GJC2: variants seen among roughly 807,000 people sequenced by gnomAD.
The protein encoded by GJC2 is gap junction protein gamma 2.
For missense variants in GJC2, 647 were observed against 648.9 expected, an observed-to-expected ratio of 1.00 and a Z score of 0.03; for synonymous variants, 336 against 307.5, an observed-to-expected ratio of 1.09 and a Z score of -0.97.
rs1428888768 is a variant in GJC2 at position 228,157,857 on chromosome 1, CT to C, written c.101del (p.Phe34SerfsTer5). On this transcript the variant is annotated frameshift_variant, in exon 2 of 2. Transcript: ENST00000366714. LOFTEE classifies it low-confidence loss of function (END_TRUNC). Reference sequence around the variant, plus strand: ...AGGTGTGGCTCACGGTGCTGGTGGTCTTCCGCATCGTGCTGACGGCTGTGGG... The same window carrying C: ...AGGTGTGGCTCACGGTGCTGGTGGTCTCCGCATCGTGCTGACGGCTGTGGG... ...GKVWLTVLVV[F>X]RIVLTAVGGE... 1 of 1,608,704 alleles carries C rather than the reference CT, an allele frequency of 6.2e-7. No individual in the cohort carries two copies. The highest frequency in any genetic ancestry group is 8.5e-7 in the Non-Finnish European group (1 of 1,178,148).
chr1:228,154,036 C>G (rs1193764492), intron 1 of GJC2, among the ~76,000 whole-genome samples: 3 of 152,114 alleles, frequency 2.0e-5, no homozygotes, highest in Non-Finnish European at 4.4e-5. Context: ...TCTTATAGAC[C>G]TCACACCCAG....
chr1:228,154,944 A>C (rs894295599), intron 1 of GJC2, among the ~76,000 whole-genome samples: 1 of 152,202 alleles, frequency 6.6e-6, no homozygotes, highest in Non-Finnish European at 1.5e-5. Flanking sequence ...CCTGGGCCCC[A>C]GGTAGATTCT....
intron 1 of GJC2, among the ~76,000 whole-genome samples, chr1:228,156,551 G>T (rs1558118997): frequency 6.6e-6 from 1 of 152,250 alleles, no homozygotes; most frequent in Admixed American, 6.5e-5. Context: ...ACTTCCCCAG[G>T]AACCCTGACT....
Position 228,158,412 on chromosome 1 carries a change from G to A in GJC2, c.654G>A (p.Val218=), listed in dbSNP as rs1312476615. The A allele has an allele frequency of 1.2e-6, 2 of 1,606,726 alleles. No individual in the cohort carries two copies. The part of the protein sequence containing the change: ...GLMRVYVAQL[V]ARAAFEVAFL... ...TGCGCGTGTACGTGGCCCAGCTGGT[G>A]GCCAGGGCAGCTTTCGAGGTGGCCT... is the stretch of plus-strand genomic sequence containing the variant. Residue 218 remains valine, a synonymous_variant, in exon 2 of 2, where the codon GTG becomes GTA. Coordinates refer to ENST00000366714, the MANE Select transcript of GJC2 (RefSeq NM_020435.4). This position sits in a 1 kb window ranked among gnomAD's most constrained non-coding sequence, Gnocchi z 8.3.
rs1382067667 is a variant in GJC2, at chr1:228,150,002, G to A, written c.-25G>A. On this transcript the variant is annotated 5_prime_UTR_variant, in exon 1 of 2. Coordinates refer to ENST00000366714, the MANE Select transcript of GJC2 (RefSeq NM_020435.4). The surrounding 1 kb of genome is among the most constrained non-coding windows in gnomAD (Gnocchi z 4.6). ...AGGGAGACTGGAATTTTCTGGCCTG[G>A]AGAAGGTAGGGTGCTGGGGTCCATG... is the stretch of plus-strand genomic sequence containing the variant. 1 of 152,732 alleles carries A rather than the reference G, an allele frequency of 6.5e-6. No individual in the cohort carries two copies. The highest frequency in any genetic ancestry group is 1.5e-5 in the Non-Finnish European group (1 of 68,480). 9.5% of individuals were successfully genotyped at this position (152,732 alleles called of 1,614,324 possible).
chr1:228,156,163 C>T (rs567493490), intron 1 of GJC2, among the ~76,000 whole-genome samples: 8 of 152,312 alleles, frequency 5.3e-5, no homozygotes, highest in Middle Eastern at 3.4e-3. Flanking sequence ...TGTGTGTGCA[C>T]GGGTCTGTGT....
Position 228,159,307 on chromosome 1 carries a change from G to T in GJC2, c.*229G>T. The T allele has an allele frequency of 1.7e-6, 1 of 589,646 alleles. No individual in the cohort carries two copies. The highest frequency in any genetic ancestry group is 3.1e-6 in the Non-Finnish European group (1 of 324,844). 36.5% of individuals were successfully genotyped at this position (589,646 alleles called of 1,614,324 possible). ...GGAGAGAGGCCTAGGAGCCAGAAAG[G>T]GCCCTCTGCTGTGGTCTGAACCCCA... On this transcript the variant is annotated 3_prime_UTR_variant, in exon 2 of 2. Coordinates refer to ENST00000366714, the MANE Select transcript of GJC2 (RefSeq NM_020435.4). This position sits in a 1 kb window ranked among gnomAD's most constrained non-coding sequence, Gnocchi z 4.0.
chr1:228,157,738 A>AGGTGGG lies in GJC2; in HGVS notation c.-19_-18insTGGGGG. ...CTGGCTGACCCCTACCCCGCCCCAC[A>AGGTGGG]GGACCCGCCCGCCCGCCCCTATGAC... On this transcript the variant is annotated splice_acceptor_variant, in intron 1 of 1. Coordinates refer to ENST00000366714, the MANE Select transcript of GJC2 (RefSeq NM_020435.4). LOFTEE classifies it low-confidence loss of function (5UTR_SPLICE). 1.5e-6 allele frequency: 1 copy of AGGTGGG among 660,968 alleles called. No homozygotes were observed. Among genetic ancestry groups the AGGTGGG allele is most frequent in the Non-Finnish European group, 2.7e-6 (1 of 363,802 alleles). The allele number at this position is 660,968 out of a possible 1,614,324, so 40.9% of individuals were successfully genotyped here.
In GJC2 at chr1:228,159,157, G is replaced by A. The variant is rs912263815; in HGVS notation, c.*79G>A. On this transcript the variant is annotated 3_prime_UTR_variant, in exon 2 of 2. Coordinates refer to ENST00000366714, the MANE Select transcript of GJC2 (RefSeq NM_020435.4). The surrounding 1 kb of genome is among the most constrained non-coding windows in gnomAD (Gnocchi z 4.0). ...GGAAACCTGCGACCCCTTCTCCTCA[G>A]CCTTCTCCTTAGCCGGTGGCCTCAG... The A allele has an allele frequency of 2.6e-6, 4 of 1,513,246 alleles. No homozygotes were observed. In the African/African-American group the frequency reaches 5.5e-5, roughly 21 times the overall value. 93.7% of individuals were successfully genotyped at this position (1,513,246 alleles called of 1,614,324 possible). A position where few individuals can be genotyped will look rare whatever the true frequency, so the allele number is the denominator to read the frequency against.
At chr1:228,156,222 G>A (rs1302554875) in intron 1 of GJC2, among the ~76,000 whole-genome samples, 1 of 152,220 alleles carries the variant, frequency 6.6e-6, no homozygotes, top group Non-Finnish European at 1.5e-5. Flanking sequence ...GTATGTGCAT[G>A]TGTGTGCATA....
rs946982704 is a variant in GJC2 at position 228,150,652 on chromosome 1, C to T, written c.-20+645C>T. 1.1e-4 allele frequency among the ~76,000 whole-genome samples: 16 copies of T among 152,186 alleles called. No homozygotes were observed. Among genetic ancestry groups the T allele is most frequent in the South Asian group, 2.1e-4 (1 of 4,832 alleles). ...GCAGGCCCTCAGTGCAAGGAAGGGG[C>T]GGCGTGGCTGAGGAGGGGGAGGCCC... is the stretch of plus-strand genomic sequence containing the variant. On this transcript the variant is annotated intron_variant, in intron 1 of 1. Coordinates refer to ENST00000366714, the MANE Select transcript of GJC2 (RefSeq NM_020435.4). The surrounding 1 kb of genome is among the most constrained non-coding windows in gnomAD (Gnocchi z 4.6).
At position 228,151,562 on chromosome 1, in the gene GJC2, AGCAGTGTGCATGTG is replaced by A. The variant is rs2034616042; in HGVS notation, c.-20+1566_-20+1579del. ...GCCCAGCTCCATGTTGAGCTCGAGC[AGCAGTGTGCATGTG>A]GCAGTGTGCACTGCTTGTGTGTGGG... On this transcript the variant is annotated intron_variant, in intron 1 of 1. Transcript: ENST00000366714. The surrounding 1 kb of genome is among the most constrained non-coding windows in gnomAD (Gnocchi z 5.4). 6.6e-6 allele frequency among the ~76,000 whole-genome samples: 1 copy of A among 152,070 alleles called. No individual in the cohort carries two copies. The highest frequency in any genetic ancestry group is 6.5e-5 in the Admixed American group (1 of 15,276).
In GJC2 at chr1:228,151,718, A is replaced by T. The variant is rs144568115; in HGVS notation, c.-20+1711A>T. 6.6e-6 allele frequency among the ~76,000 whole-genome samples: 1 copy of T among 152,176 alleles called. No individual in the cohort carries two copies. The highest frequency in any genetic ancestry group is 2.4e-5 in the African/African-American group (1 of 41,520). ...GGCAGGACAGTGAGGCCGGCCACAG[A>T]GCTGCTGGGGCAGAGTGGGCATGGA... On this transcript the variant is annotated intron_variant, in intron 1 of 1. Transcript: ENST00000366714. This position sits in a 1 kb window ranked among gnomAD's most constrained non-coding sequence, Gnocchi z 5.4.
Position 228,158,886 on chromosome 1 carries a change from C to A in GJC2, c.1128C>A (p.Gly376=), listed in dbSNP as rs1266616845. The change falls in exon 2 of 2, where the codon GGC becomes GGA. Residue 376 remains glycine (G), a synonymous_variant. Transcript: ENST00000366714. The surrounding 1 kb of genome is among the most constrained non-coding windows in gnomAD (Gnocchi z 8.3). ...DRDRDSSPCV[G]LPAASRGPPR... Reference sequence around the variant, plus strand: ...ACCGGGACAGTTCGCCGTGCGTCGGCCTCCCTGCGGCCTCCCGGGGGCCCC... The same window carrying A: ...ACCGGGACAGTTCGCCGTGCGTCGGACTCCCTGCGGCCTCCCGGGGGCCCC... The A allele has an allele frequency of 9.4e-6, 14 of 1,489,104 alleles. 1 individual carries two copies. The highest frequency in any genetic ancestry group is 2.3e-5 in the Admixed American group (1 of 42,784). 92.2% of individuals were successfully genotyped at this position (1,489,104 alleles called of 1,614,324 possible).
In GJC2 at chr1:228,157,902, G is replaced by T; in HGVS notation, c.144G>T (p.Ser48=). ...CTGTGGGCGGCGAGGCCATCTACTC[G>T]GACGAGCAGGCCAAGTTCACTTGCA... ...LTAVGGEAIY[S]DEQAKFTCNT... is the part of the protein sequence containing the mutation. The change falls in exon 2 of 2, where the codon TCG becomes TCT. Residue 48 remains serine, a synonymous_variant. Coordinates refer to ENST00000366714, the MANE Select transcript of GJC2 (RefSeq NM_020435.4). 1 of 1,612,610 alleles carries T rather than the reference G, an allele frequency of 6.2e-7. No homozygotes were observed. The highest frequency in any genetic ancestry group is 8.5e-7 in the Non-Finnish European group (1 of 1,179,830).
In GJC2 at chr1:228,157,740, G is replaced by GGGGGGGGGGGGGGGGGGGGGC; in HGVS notation, c.-19_-18insGGGGGGGGGGGGGGGGGGGGC. 2 of 662,262 alleles carry GGGGGGGGGGGGGGGGGGGGGC rather than the reference G, an allele frequency of 3.0e-6. No homozygotes were observed. The highest frequency in any genetic ancestry group is 2.6e-6 in the Non-Finnish European group (1 of 378,506). 41.0% of individuals were successfully genotyped at this position (662,262 alleles called of 1,614,324 possible). A position where few individuals can be genotyped will look rare whatever the true frequency, so the allele number is the denominator to read the frequency against. On this transcript the variant is annotated splice_region_variant and 5_prime_UTR_variant, in exon 2 of 2. Transcript: ENST00000366714. ...GGCTGACCCCTACCCCGCCCCACAGGACCCGCCCGCCCGCCCCTATGACCA... is the reference window on the plus strand; with the variant it reads ...GGCTGACCCCTACCCCGCCCCACAGGGGGGGGGGGGGGGGGGGGGGCACCCGCCCGCCCGCCCCTATGACCA...
Position 228,158,709 on chromosome 1 carries a change from C to T in GJC2, c.951C>T (p.Pro317=), listed in dbSNP as rs2034724963. The T allele has an allele frequency of 1.6e-6, 2 of 1,256,936 alleles. No homozygotes were observed. The highest frequency in any genetic ancestry group is 9.8e-5 in the East Asian group (2 of 20,390). The allele number at this position is 1,256,936 out of a possible 1,614,324, so 77.9% of individuals were successfully genotyped here. A position where few individuals can be genotyped will look rare whatever the true frequency, so the allele number is the denominator to read the frequency against. Residue 317 remains proline (P), a synonymous_variant, in exon 2 of 2, where the codon CCC becomes CCT. Coordinates refer to ENST00000366714, the MANE Select transcript of GJC2 (RefSeq NM_020435.4). This position sits in a 1 kb window ranked among gnomAD's most constrained non-coding sequence, Gnocchi z 8.3. ...SAPAPAPRPP[P]CAFPAAAAGL... ...CCGCCCCCGCGCCGCGGCCCCCGCC[C>T]TGCGCCTTCCCTGCGGCGGCCGCTG...
chr1:228,156,431 G>A lies in GJC2; in HGVS notation c.-19-1309G>A, dbSNP rs1009225575. Among the ~76,000 whole-genome samples the A allele has an allele frequency of 3.3e-4, 50 of 152,228 alleles. 1 individual carries two copies. Among genetic ancestry groups the A allele is most frequent in the Admixed American group, 2.9e-3 (44 of 15,286 alleles). On this transcript the variant is annotated intron_variant, in intron 1 of 1. Transcript: ENST00000366714. ...CATGTGCGTGTTCATGCATGTGCAC[G>A]TGTGTGCATGTGTACACATGTGAAT...
chr1:228,157,983 G>T lies in GJC2; in HGVS notation c.225G>T (p.Ser75=), dbSNP rs1299994840. The change falls in exon 2 of 2, where the codon TCG becomes TCT. Residue 75 remains serine, a synonymous_variant. Coordinates refer to ENST00000366714, the MANE Select transcript of GJC2 (RefSeq NM_020435.4). Reference sequence around the variant, plus strand: ...GCTATGACGCCTTCGCGCCCCTGTCGCACGTGCGCTTCTGGGTCTTCCAGA... The same window carrying T: ...GCTATGACGCCTTCGCGCCCCTGTCTCACGTGCGCTTCTGGGTCTTCCAGA... ...NVCYDAFAPL[S]HVRFWVFQIV... is the part of the protein sequence containing the mutation. 4 of 1,612,292 alleles carry T rather than the reference G, an allele frequency of 2.5e-6. No individual in the cohort carries two copies. The highest frequency in any genetic ancestry group is 3.4e-6 in the Non-Finnish European group (4 of 1,179,720).
Sources: gnomAD v4.1 joint callset for allele counts (sites outside exome capture counted in the v4.1 genomes callset) on GRCh38, gnomAD v4.1.1 for gene constraint, Gnocchi (gnomAD v3.1) non-coding constraint, MANE v1.5 for transcripts, NCBI Gene and HGNC (gene_info 2026-07-23, HGNC 2026-07-21) for gene names.